ZNF469: variants seen among roughly 807,000 people sequenced by gnomAD.
ZNF469 encodes the protein zinc finger protein 469.
In ZNF469, 1 loss-of-function variant was observed where a neutral mutation model predicts 1.0. The observed-to-expected ratio is 1.00, with a 90% confidence interval of 0.35 to 4.73. The LOEUF (loss-of-function observed/expected upper bound fraction) is 4.73. Among genes scored for constraint, ZNF469 ranks in the 30% most tolerant of loss-of-function variants. ZNF469 has a pLI of 0.16. For synonymous variants in ZNF469, 2,703 were observed against 2,363.4 expected, an observed-to-expected ratio of 1.14 and a Z score of -4.17; for missense variants, 6,100 against 5,356.3, an observed-to-expected ratio of 1.14 and a Z score of -4.33.
chr16:88,104,480 G>T, the ZNF469 span, among the ~76,000 whole-genome samples: 3 of 151,928 alleles, frequency 2.0e-5, no homozygotes, highest in African/African-American at 7.2e-5. Flanking sequence ...TCATTACCCC[G>T]GACGTTAAGT....
At chr16:88,365,955 C>T in the ZNF469 span, among the ~76,000 whole-genome samples, 327 of 152,306 alleles carry the variant, frequency 2.1e-3, 4 homozygotes, top group Admixed American at 4.2e-3. Context: ...GACAGTGCCC[C>T]CTGCAGAAAT....
chr16:88,240,875 G>C, the ZNF469 span, among the ~76,000 whole-genome samples: 2 of 152,102 alleles, frequency 1.3e-5, no homozygotes, highest in South Asian at 4.2e-4. Flanking sequence ...GTGTGCCCCA[G>C]CCTGCACCGC....
the ZNF469 span, among the ~76,000 whole-genome samples, chr16:88,139,402 TG>T: frequency 6.7e-6 from 1 of 150,324 alleles, no homozygotes; most frequent in African/African-American, 2.5e-5. Context: ...CCCCTTGGCC[TG>T]GGGACGTGAT....
the ZNF469 span, among the ~76,000 whole-genome samples, chr16:88,111,412 T>C: frequency 9.2e-5 from 14 of 152,192 alleles, no homozygotes; most frequent in Non-Finnish European, 2.1e-4. Flanking sequence ...AGTGATTTTA[T>C]TTTAGTTATT....
At chr16:88,414,720 C>A (rs1194260054) in intron 1 of ZNF469, among the ~76,000 whole-genome samples, 1 of 152,262 alleles carries the variant, frequency 6.6e-6, no homozygotes, top group Admixed American at 6.5e-5. Flanking sequence ...TGGGGGGTAA[C>A]TTCCCCTGCC....
the ZNF469 span, among the ~76,000 whole-genome samples, chr16:88,117,740 T>A: frequency 8.5e-5 from 13 of 152,310 alleles, no homozygotes; most frequent in African/African-American, 2.9e-4. Context: ...TGCCGCACTG[T>A]TGCTGGGACC....
chr16:88,305,955 CACAT>C, the ZNF469 span, among the ~76,000 whole-genome samples: 6 of 152,230 alleles, frequency 3.9e-5, no homozygotes, highest in Non-Finnish European at 5.9e-5. Context: ...CCCACACACT[CACAT>C]ACATGTCCTT....
rs934380225 is a variant in ZNF469, at chr16:88,429,207, C to T, written c.1737C>T (p.Pro579=). The change falls in exon 3 of 3, where the codon CCC becomes CCT. Residue 579 remains proline (P), a synonymous_variant. Transcript: ENST00000565624. ...QVSPHGTPSL[P]PPRVVGASPS... is the part of the protein sequence containing the mutation. ...CACCCCACGGGACACCCAGCCTGCC[C>T]CCACCGAGGGTAGTGGGAGCCTCCC... 5.8e-6 allele frequency: 9 copies of T among 1,549,738 alleles called. No homozygotes were observed. The highest frequency in any genetic ancestry group is 3.9e-5 in the Admixed American group (2 of 50,988).
chr16:88,381,358 A>G (rs569144577), upstream of ZNF469, among the ~76,000 whole-genome samples: 1,421 of 148,426 alleles, frequency 9.6e-3, 29 homozygotes, highest in African/African-American at 0.034. Flanking sequence ...ACACTTATAC[A>G]CACATGCACT....
At chr16:88,229,568 C>CAT in the ZNF469 span, among the ~76,000 whole-genome samples, 6 of 120,946 alleles carry the variant, frequency 5.0e-5, no homozygotes, top group Admixed American at 3.3e-4. Context: ...GTGGATGTCA[C>CAT]GCTTGTGCGC....
the ZNF469 span, among the ~76,000 whole-genome samples, chr16:88,140,730 G>C: frequency 5.9e-5 from 9 of 152,154 alleles, no homozygotes; most frequent in Non-Finnish European, 8.8e-5. Flanking sequence ...TCAGGAGTTC[G>C]AGACCAGCCT....
the ZNF469 span, among the ~76,000 whole-genome samples, chr16:88,249,417 C>CTTTTTTTTTTTTTTTTTTTTTTTT: frequency 1.1e-5 from 1 of 92,986 alleles, no homozygotes; most frequent in Non-Finnish European, 1.9e-5. Context: ...CTTTTTCTTT[C>CTTTTTTTTTTTTTTTTTTTTTTTT]TTTTTCTTTT....
At position 88,434,898 on chromosome 16, in the gene ZNF469, C is replaced by T; in HGVS notation, c.7428C>T (p.Val2476=). 1 of 1,550,360 alleles carries T rather than the reference C, an allele frequency of 6.5e-7. No homozygotes were observed. The highest frequency in any genetic ancestry group is 2.4e-5 in the East Asian group (1 of 40,928). ...QAPHGPVTCE[V]CAASFRSGPG... ...CACATGGGCCTGTGACCTGTGAGGT[C>T]TGCGCAGCCTCCTTCCGCTCCGGGC... is the stretch of plus-strand genomic sequence containing the variant. The change falls in exon 3 of 3, where the codon GTC becomes GTT. Residue 2476 remains valine, a synonymous_variant. Transcript: ENST00000565624.
the ZNF469 span, among the ~76,000 whole-genome samples, chr16:88,373,450 G>A: frequency 2.6e-5 from 4 of 152,180 alleles, no homozygotes; most frequent in African/African-American, 9.7e-5. Flanking sequence ...GGAGGCGGAT[G>A]GGGAGGCCAC....
At chr16:88,106,954 CCCTCACCATGGCCAGCTCAG>C in the ZNF469 span, among the ~76,000 whole-genome samples, 1 of 152,266 alleles carries the variant, frequency 6.6e-6, no homozygotes, top group African/African-American at 2.4e-5. Flanking sequence ...AGAAACTGGG[CCCTCACCATGGCCAGCTCAG>C]CCTCATGGGG....
In ZNF469 at chr16:88,435,776, A is replaced by C; in HGVS notation, c.8306A>C (p.Glu2769Ala). 4 of 1,550,696 alleles carry C rather than the reference A, an allele frequency of 2.6e-6. No individual in the cohort carries two copies. The Middle Eastern group carries it at 6.7e-4, about 259-fold the overall frequency. The stretch of plus-strand genomic sequence containing the variant: ...ACCAAGGCGTTGGGTGTGTGCAAAG[A>C]GTCTGGGAGCGAGCCTGCGGAGGAC... The part of the protein sequence containing the change: ...RETKALGVCK[E>A]SGSEPAEDSS... Residue 2769 changes from glutamate to alanine, a missense_variant, in exon 3 of 3, where the codon GAG (glutamate) becomes GCG (alanine). Glu to Ala is a moderately radical substitution (Grantham distance 107, BLOSUM62 -1). Transcript: ENST00000565624.
At chr16:88,245,099 G>A in the ZNF469 span, among the ~76,000 whole-genome samples, 1 of 152,090 alleles carries the variant, frequency 6.6e-6, no homozygotes, top group Non-Finnish European at 1.5e-5. Context: ...TGGTCTCTGT[G>A]GACCCTTCAT....
At chr16:88,107,095 C>T in the ZNF469 span, among the ~76,000 whole-genome samples, 2 of 152,266 alleles carry the variant, frequency 1.3e-5, no homozygotes, top group Middle Eastern at 3.4e-3. Context: ...CTCAGGCCCG[C>T]ACGGGAGGTG....
At chr16:88,107,219 T>A in the ZNF469 span, among the ~76,000 whole-genome samples, 1 of 152,192 alleles carries the variant, frequency 6.6e-6, no homozygotes, top group South Asian at 2.1e-4. Flanking sequence ...ATTTTCACAC[T>A]GCTATAAAGA....
Sources: allele counts gnomAD v4.1 joint callset (sites outside exome capture counted in the v4.1 genomes callset), GRCh38; gene constraint gnomAD v4.1.1; transcripts MANE v1.5; gene names NCBI Gene and HGNC (gene_info 2026-07-23, HGNC 2026-07-21).